The following BLM variants were observed in gnomAD, a reference collection of about 807,000 sequenced individuals.
BLM encodes BLM RecQ like helicase, also known as recQ-like DNA helicase BLM.
A neutral mutation model predicts 135.3 loss-of-function variants in BLM; 95 were observed. The ratio of observed to expected loss-of-function variants is 0.70; its 90% CI spans 0.59 to 0.83. The LOEUF (loss-of-function observed/expected upper bound fraction) is 0.83, where lower values mean the gene tolerates loss of function less well. Among genes scored for constraint, BLM ranks in the 40% least tolerant of loss-of-function variants. BLM has a pLI of 0.00. For synonymous variants in BLM, 520 were observed against 589.2 expected (o/e 0.88, Z 1.70); for missense variants, 1,518 against 1,663.9 (o/e 0.91, Z 1.53).
intron 1 of BLM, among the ~76,000 whole-genome samples, chr15:90,722,106 G>A (rs1007300349): frequency 6.6e-6 from 1 of 151,828 alleles, no homozygotes. Flanking sequence ...CCAACAGGGT[G>A]AAACCCCATC....
In BLM at chr15:90,769,439, G is replaced by T. The variant is rs761938011; in HGVS notation, c.2408G>T (p.Trp803Leu). 6.2e-7 allele frequency: 1 copy of T among 1,614,046 alleles called. No individual in the cohort carries two copies. The highest frequency in any genetic ancestry group is 8.5e-7 in the Non-Finnish European group (1 of 1,179,994). The change falls in exon 12 of 22, where the codon TGG becomes TTG. Residue 803 changes from tryptophan to leucine, a missense_variant and splice_region_variant. By Grantham distance (61) the Trp-to-Leu change is moderately conservative. Transcript: ENST00000355112. ...AGCAGTATTTTTTTTTCCAACTAGT[G>T]GGGACATGATTTTCGTCAAGATTAC... ...VIDEAHCVSQ[W>L]GHDFRQDYKR...
chr15:90,734,292 CTT>C (rs57619459), intron 1 of BLM, among the ~76,000 whole-genome samples: 4 of 144,772 alleles, frequency 2.8e-5, no homozygotes, highest in Non-Finnish European at 4.6e-5. Flanking sequence ...ATCAATACTT[CTT>C]TTTTTTTTTT....
At chr15:90,785,137 A>G in intron 14 of BLM, 56 bp downstream of exon 14, 2 of 1,536,152 alleles carry the variant, frequency 1.3e-6, no homozygotes, top group Admixed American at 1.8e-5. Flanking sequence ...GCATATAACC[A>G]AACATGCACA....
rs28745027 is a variant in BLM at position 90,766,822 on chromosome 15, TAATAA to T, written c.2194-83_2194-79del. Reference sequence around the variant, plus strand: ...TCCTTTGATAGGTTTGATATGTGACTAATAAAATATTTATAAAACCTAAGGACAAA... The same window carrying T: ...TCCTTTGATAGGTTTGATATGTGACTAATATTTATAAAACCTAAGGACAAA... On this transcript the variant is annotated intron_variant, in intron 9 of 21. Transcript: ENST00000355112. 8.8e-5 allele frequency: 73 copies of T among 828,054 alleles called. No individual in the cohort carries two copies. The African/African-American group carries it at 1.0e-3, about 11-fold the overall frequency. The allele number at this position is 828,054 out of a possible 1,614,324, so 51.3% of individuals were successfully genotyped here. A position where few individuals can be genotyped will look rare whatever the true frequency, so the allele number is the denominator to read the frequency against.
At chr15:90,719,148 C>A (rs749400165) in intron 1 of BLM, among the ~76,000 whole-genome samples, 2 of 152,086 alleles carry the variant, frequency 1.3e-5, no homozygotes, top group African/African-American at 4.8e-5. Flanking sequence ...CCCACCACCA[C>A]GCCCAGCTAA....
At chr15:90,797,414 CAAAAAAAAAAA>C (rs56369282) in intron 16 of BLM, among the ~76,000 whole-genome samples, 15 of 109,604 alleles carry the variant, frequency 1.4e-4, no homozygotes, top group East Asian at 4.5e-4. Context: ...AACTCCATCT[CAAAAAAAAAAA>C]AAAAAAAAAA....
chr15:90,812,990 C>T (rs753805527), intron 21 of BLM, among the ~76,000 whole-genome samples: 6 of 152,128 alleles, frequency 3.9e-5, no homozygotes, highest in Admixed American at 1.3e-4. Context: ...CACACAGAGC[C>T]GGAGACCTTA....
chr15:90,743,131 G>A (rs917150648), intron 1 of BLM, among the ~76,000 whole-genome samples: 2 of 151,566 alleles, frequency 1.3e-5, no homozygotes, highest in African/African-American at 4.8e-5. Flanking sequence ...TGAGTAGTTG[G>A]GACTGTAGGT....
At chr15:90,765,015 G>A (rs1387779538) in intron 8 of BLM, among the ~76,000 whole-genome samples, 1 of 152,142 alleles carries the variant, frequency 6.6e-6, no homozygotes, top group East Asian at 1.9e-4. Flanking sequence ...ATTGTAGTGA[G>A]CTCAGATGGC....
intron 1 of BLM, among the ~76,000 whole-genome samples, chr15:90,725,851 T>G (rs1325000442): frequency 1.3e-5 from 2 of 152,044 alleles, no homozygotes; most frequent in African/African-American, 4.8e-5. Flanking sequence ...AAGTTGTCTC[T>G]GTTTTATGTA....
rs34940723 is a variant in BLM, at chr15:90,816,080, CAAAAAAAAA to C, written c.*812_*820del. ...TGGGTGACAGAGCAAGACTCCGTCTCAAAAAAAAAAAAAAAAAAAGAAATATACATGCTC... is the reference window on the plus strand; with the variant it reads ...TGGGTGACAGAGCAAGACTCCGTCTCAAAAAAAAAAGAAATATACATGCTC... On this transcript the variant is annotated 3_prime_UTR_variant, in exon 22 of 22. Coordinates refer to ENST00000355112, the MANE Select transcript of BLM (RefSeq NM_000057.4). The C allele has an allele frequency of 1.0e-5, 1 of 96,522 alleles. No individual in the cohort carries two copies. 6.0% of individuals were successfully genotyped at this position (96,522 alleles called of 1,614,324 possible).
At chr15:90,721,984 A>G (rs1166529285) in intron 1 of BLM, among the ~76,000 whole-genome samples, 1 of 150,602 alleles carries the variant, frequency 6.6e-6, no homozygotes, top group Non-Finnish European at 1.5e-5. Context: ...GTAAAAATAT[A>G]CATAATTTCG....
intron 4 of BLM, among the ~76,000 whole-genome samples, chr15:90,752,510 T>A (rs2151150272): frequency 6.6e-6 from 1 of 152,304 alleles, no homozygotes. Context: ...GGAATATATT[T>A]CTAAAAATAT....
intron 12 of BLM, among the ~76,000 whole-genome samples, chr15:90,774,500 G>A (rs1440621747): frequency 6.6e-6 from 1 of 151,990 alleles, no homozygotes; most frequent in East Asian, 1.9e-4. Flanking sequence ...CATTTTAGCA[G>A]GCAAAGAGTG....
intron 1 of BLM, among the ~76,000 whole-genome samples, chr15:90,741,063 T>G (rs1028114197): frequency 6.6e-6 from 1 of 152,214 alleles, no homozygotes; most frequent in Non-Finnish European, 1.5e-5. Context: ...CTACCAGCAG[T>G]GTATGAGGGT....
rs749148385 is a variant in BLM, at chr15:90,749,920, A to G, written c.652A>G (p.Ile218Val). The change falls in exon 3 of 22, where the codon ATA becomes GTA. Residue 218 changes from isoleucine (I) to valine (V), a missense_variant. Ile to Val is a conservative substitution (Grantham distance 29). Coordinates refer to ENST00000355112, the MANE Select transcript of BLM (RefSeq NM_000057.4). ...TCCACCCTCCTCTGAAAGCGAGCAAATAGATTTGACTGAGGAACAGAAGGA... is the reference window on the plus strand; with the variant it reads ...TCCACCCTCCTCTGAAAGCGAGCAAGTAGATTTGACTGAGGAACAGAAGGA... ...LPPPSSESEQ[I>V]DLTEEQKDDS... 1.9e-6 allele frequency: 3 copies of G among 1,613,512 alleles called. No individual in the cohort carries two copies. Among genetic ancestry groups the G allele is most frequent in the Non-Finnish European group, 2.5e-6 (3 of 1,179,392 alleles).
At chr15:90,765,096 A>C (rs538948089) in intron 8 of BLM, among the ~76,000 whole-genome samples, 200 bp from the exon 9 acceptor site, 2 of 152,092 alleles carry the variant, frequency 1.3e-5, no homozygotes, top group African/African-American at 4.8e-5. Flanking sequence ...CAAAAAAAAC[A>C]CTTTTTTTTT....
rs1285112014 is a variant in BLM at position 90,720,520 on chromosome 15, G to T, written c.-5+3080G>T. Among the ~76,000 whole-genome samples, 4 of 152,098 alleles carry T rather than the reference G, an allele frequency of 2.6e-5. No homozygotes were observed. In the South Asian group the frequency reaches 6.2e-4, roughly 24 times the overall value. On this transcript the variant is annotated intron_variant, in intron 1 of 21. Transcript: ENST00000355112. ...TTTCAGCTATAAAATTAGTTATACA[G>T]ATTTAGCTATACAGATTTCTTAGGT...
intron 14 of BLM, among the ~76,000 whole-genome samples, chr15:90,788,605 C>G (rs557691827): frequency 3.3e-5 from 5 of 150,328 alleles, no homozygotes; most frequent in African/African-American, 1.2e-4. Flanking sequence ...TACAGGAACA[C>G]TAGTTTGCAG....
Sources: gnomAD v4.1 joint callset for allele counts (sites outside exome capture counted in the v4.1 genomes callset) on GRCh38, gnomAD v4.1.1 for gene constraint, MANE v1.5 for transcripts, NCBI Gene and HGNC (gene_info 2026-07-23, HGNC 2026-07-21) for gene names.